CTNNA3: variants seen among roughly 807,000 people sequenced by gnomAD.
CTNNA3 encodes catenin alpha-3.
In CTNNA3, 76 loss-of-function variants were observed where a neutral mutation model predicts 95.7. That is an observed-to-expected ratio of 0.79 (90% CI 0.66 to 0.96). The LOEUF (loss-of-function observed/expected upper bound fraction) is 0.96. Among genes scored for constraint, CTNNA3 ranks in the 40% least tolerant of loss-of-function variants. The pLI is 0.00. For missense variants in CTNNA3, 1,191 were observed against 1,089.8 expected, an observed-to-expected ratio of 1.09 and a Z score of -1.31; for synonymous variants, 431 against 374.4, an observed-to-expected ratio of 1.15 and a Z score of -1.74.
chr10:66,989,235 G>C (rs1445370891), intron 7 of CTNNA3, among the ~76,000 whole-genome samples: 1 of 151,924 alleles, frequency 6.6e-6, no homozygotes, highest in African/African-American at 2.4e-5. Flanking sequence ...GGCCCTCCTA[G>C]GGGTCAATAT....
chr10:67,675,140 A>G (rs1043351515), intron 1 of CTNNA3, among the ~76,000 whole-genome samples: 1 of 152,100 alleles, frequency 6.6e-6, no homozygotes, highest in African/African-American at 2.4e-5. Context: ...ACCTTTTCAC[A>G]TATCATTGAC....
intron 7 of CTNNA3, among the ~76,000 whole-genome samples, chr10:66,905,411 C>T (rs1845944494): frequency 6.6e-6 from 1 of 152,080 alleles, no homozygotes. Flanking sequence ...AGGCGAAATA[C>T]CGAATGTAAA....
At chr10:66,950,507 T>A (rs1440151803) in intron 7 of CTNNA3, among the ~76,000 whole-genome samples, 3 of 152,214 alleles carry the variant, frequency 2.0e-5, no homozygotes, top group Non-Finnish European at 4.4e-5. Flanking sequence ...AAACAAAAGA[T>A]CCTTATTTCC....
In CTNNA3 at chr10:66,293,650, T is replaced by A. The variant is rs190484595; in HGVS notation, c.1733-13029A>T. 2.0e-3 allele frequency among the ~76,000 whole-genome samples: 299 copies of A among 147,936 alleles called. 2 individuals carry two copies. Among genetic ancestry groups the A allele is most frequent in the African/African-American group, 7.5e-3 (287 of 38,482 alleles). On this transcript the variant is annotated intron_variant, in intron 12 of 17. Coordinates refer to ENST00000433211, the MANE Select transcript of CTNNA3 (RefSeq NM_013266.4). ...TTTTTCTGTGAATTAATCAGCATTA[T>A]TTTTTCTTTTTTCTTTCTTTTTTTT... is the stretch of plus-strand genomic sequence containing the variant.
chr10:67,566,219 T>A lies in CTNNA3; in HGVS notation c.293-26550A>T, dbSNP rs1307071342. ...TTCTGCACAGCAAAAGAAACTACCA[T>A]CAGAGTGAACAGGCAACCTACAGAA... On this transcript the variant is annotated intron_variant, in intron 3 of 17. Coordinates refer to ENST00000433211, the MANE Select transcript of CTNNA3 (RefSeq NM_013266.4). Among the ~76,000 whole-genome samples, 226 of 141,144 alleles carry A rather than the reference T, an allele frequency of 1.6e-3. 4 individuals carry two copies. Among genetic ancestry groups the A allele is most frequent in the Non-Finnish European group, 3.0e-3 (193 of 64,300 alleles). 92.6% of individuals were successfully genotyped at this position (141,144 alleles called of 152,430 possible).
intron 7 of CTNNA3, among the ~76,000 whole-genome samples, chr10:67,069,056 AT>A (rs139525535): frequency 0.36 from 54,200 of 150,774 alleles, 10,039 homozygotes; most frequent in Middle Eastern, 0.56. Context: ...AGGAAAAAAA[AT>A]ATATATATGT....
intron 9 of CTNNA3, among the ~76,000 whole-genome samples, chr10:66,671,113 C>G (rs964017074): frequency 1.3e-5 from 2 of 152,096 alleles, no homozygotes; most frequent in Non-Finnish European, 2.9e-5. Flanking sequence ...AAGCAATTAT[C>G]AGTATAAATT....
At chr10:66,424,835 C>A (rs1023133825) in intron 11 of CTNNA3, among the ~76,000 whole-genome samples, 5 of 151,976 alleles carry the variant, frequency 3.3e-5, no homozygotes, top group Admixed American at 2.6e-4. Flanking sequence ...TTTATCTGAG[C>A]TTTCAATTTC....
At chr10:66,228,613 T>A in intron 13 of CTNNA3, among the ~76,000 whole-genome samples, 1 of 152,114 alleles carries the variant, frequency 6.6e-6, no homozygotes, top group East Asian at 1.9e-4. Flanking sequence ...TGTGTACTTG[T>A]AGTTGTTGCA....
At chr10:66,286,371 A>T (rs1012452532) in intron 12 of CTNNA3, among the ~76,000 whole-genome samples, 3 of 151,910 alleles carry the variant, frequency 2.0e-5, no homozygotes, top group African/African-American at 7.3e-5. Flanking sequence ...GATTACTTTG[A>T]TTTTTTAAAA....
intron 13 of CTNNA3, among the ~76,000 whole-genome samples, chr10:66,203,673 A>C (rs900078942): frequency 6.6e-6 from 1 of 152,142 alleles, no homozygotes; most frequent in South Asian, 2.1e-4. Flanking sequence ...AATTTTATTA[A>C]AAATCATGTC....
chr10:66,585,474 T>C (rs944909015), intron 10 of CTNNA3, among the ~76,000 whole-genome samples: 2 of 151,946 alleles, frequency 1.3e-5, no homozygotes, highest in Non-Finnish European at 2.9e-5. Flanking sequence ...CTGCTTGGTC[T>C]AATCTATTTT....
In CTNNA3 at chr10:67,640,706, G is replaced by C. The variant is rs537061144; in HGVS notation, c.99+6709C>G. On this transcript the variant is annotated intron_variant, in intron 2 of 17. Coordinates refer to ENST00000433211, the MANE Select transcript of CTNNA3 (RefSeq NM_013266.4). ...AGCCCTCAGAAATAATGCCACACAA[G>C]TACAACCATCTGATCTTTGACAAAC... 0.033 allele frequency among the ~76,000 whole-genome samples: 4,974 copies of C among 151,766 alleles called. 569 individuals carry two copies. In the East Asian group the frequency reaches 0.43, roughly 13 times the overall value.
At chr10:67,419,832 C>T (rs1236216128) in intron 5 of CTNNA3, among the ~76,000 whole-genome samples, 1 of 151,954 alleles carries the variant, frequency 6.6e-6, no homozygotes, top group East Asian at 1.9e-4. Flanking sequence ...ATATCTGATG[C>T]ACTAGTGTTC....
intron 11 of CTNNA3, among the ~76,000 whole-genome samples, chr10:66,446,931 G>A (rs559697232): frequency 1.7e-4 from 26 of 151,532 alleles, no homozygotes; most frequent in Non-Finnish European, 3.4e-4. Context: ...AAACCCCATC[G>A]TCTCAGCCCA....
intron 15 of CTNNA3, among the ~76,000 whole-genome samples, chr10:65,990,327 C>G (rs527261808): frequency 6.6e-6 from 1 of 150,758 alleles, no homozygotes; most frequent in Non-Finnish European, 1.5e-5. Flanking sequence ...AATGGCTGTA[C>G]TAGTTTACAT....
At chr10:66,089,996 T>A (rs965933745) in intron 14 of CTNNA3, among the ~76,000 whole-genome samples, 1 of 152,014 alleles carries the variant, frequency 6.6e-6, no homozygotes, top group African/African-American at 2.4e-5. Flanking sequence ...TAGTTTCTAA[T>A]TTCATCATTT....
rs1014246503 is a variant in CTNNA3 at position 66,928,993 on chromosome 10, T to A, written c.1048-153469A>T. Among the ~76,000 whole-genome samples the A allele has an allele frequency of 1.8e-4, 28 of 152,134 alleles. 1 individual carries two copies. Among genetic ancestry groups the A allele is most frequent in the African/African-American group, 5.6e-4 (23 of 41,406 alleles). Reference sequence around the variant, plus strand: ...TAGAAAAGAAAATTGCAGGAAACTATCAAAAGATGGTGCTAGGTTAAAGCA... The same window carrying A: ...TAGAAAAGAAAATTGCAGGAAACTAACAAAAGATGGTGCTAGGTTAAAGCA... On this transcript the variant is annotated intron_variant, in intron 7 of 17. Transcript: ENST00000433211.
chr10:67,508,531 A>G (rs1326613989), intron 5 of CTNNA3, among the ~76,000 whole-genome samples: 2 of 152,222 alleles, frequency 1.3e-5, no homozygotes, highest in East Asian at 3.8e-4. Context: ...AGCTGTAAAC[A>G]TAAGCCCTGA....
Sources: gnomAD v4.1 joint callset for allele counts (sites outside exome capture counted in the v4.1 genomes callset) on GRCh38, gnomAD v4.1.1 for gene constraint, MANE v1.5 for transcripts, NCBI Gene and HGNC (gene_info 2026-07-23, HGNC 2026-07-21) for gene names.